Variants in MAP4K3 observed in about 807,000 individuals in gnomAD.
MAP4K3 encodes the protein mitogen-activated protein kinase kinase kinase kinase 3.
Under a neutral mutation model 143.5 loss-of-function variants are expected in MAP4K3, and 94 were observed. That is an observed-to-expected ratio of 0.65 (90% CI 0.55 to 0.78). MAP4K3 has a LOEUF of 0.78. Among genes scored for constraint, MAP4K3 ranks in the 30% least tolerant of loss-of-function variants. The pLI, the probability that MAP4K3 is intolerant of heterozygous loss-of-function variation, is 0.00. For missense variants in MAP4K3, 1,077 were observed against 1,068.1 expected, an observed-to-expected ratio of 1.01 and a Z score of -0.12; for synonymous variants, 416 against 347.2, an observed-to-expected ratio of 1.20 and a Z score of -2.20.
At chr2:39,394,297 G>C (rs1315001103) in intron 1 of MAP4K3, among the ~76,000 whole-genome samples, 3 of 152,180 alleles carry the variant, frequency 2.0e-5, no homozygotes, top group Non-Finnish European at 4.4e-5. Flanking sequence ...TAAAGGAGGA[G>C]CCAGGGAAAG....
intron 2 of MAP4K3, among the ~76,000 whole-genome samples, chr2:39,365,136 G>T (rs1033443996): frequency 6.6e-6 from 1 of 152,064 alleles, no homozygotes; most frequent in African/African-American, 2.4e-5. Context: ...TTCTTTCAGG[G>T]CCTGCTATCT....
chr2:39,403,784 C>G (rs181286437), intron 1 of MAP4K3, among the ~76,000 whole-genome samples: 53 of 151,240 alleles, frequency 3.5e-4, no homozygotes, highest in Admixed American at 3.3e-3. Context: ...TTGTGCCACC[C>G]CTCCCCTAAC....
At chr2:39,405,800 AGGT>A (rs1323324598) in intron 1 of MAP4K3, among the ~76,000 whole-genome samples, 5 of 152,198 alleles carry the variant, frequency 3.3e-5, no homozygotes, top group African/African-American at 1.2e-4. Flanking sequence ...TAAGCCTAGG[AGGT>A]AGAGGTTACA....
intron 1 of MAP4K3, among the ~76,000 whole-genome samples, chr2:39,395,918 G>A (rs1191028806): frequency 2.0e-5 from 3 of 151,010 alleles, no homozygotes; most frequent in Non-Finnish European, 4.4e-5. Context: ...AAAGACTAGA[G>A]CTGTTAAAAA....
At chr2:39,304,246 G>T (rs1254269886) in intron 15 of MAP4K3, among the ~76,000 whole-genome samples, 1 of 151,852 alleles carries the variant, frequency 6.6e-6, no homozygotes, top group Non-Finnish European at 1.5e-5. Flanking sequence ...AAAACAGTTG[G>T]CATTTAAAAC....
Position 39,437,247 on chromosome 2 carries a change from G to T in MAP4K3, c.-260C>A, listed in dbSNP as rs574953163. 7.5e-4 allele frequency: 208 copies of T among 277,230 alleles called. No homozygotes were observed. Among genetic ancestry groups the T allele is most frequent in the South Asian group, 3.2e-3 (22 of 6,828 alleles). 17.2% of individuals were successfully genotyped at this position (277,230 alleles called of 1,614,324 possible). On this transcript the variant is annotated 5_prime_UTR_variant, in exon 1 of 34. Transcript: ENST00000263881. The stretch of plus-strand genomic sequence containing the variant: ...CACCCACAAGGAGAGGAGAACCCTC[G>T]CAGCCCCTCGCTCGGGGTGAAACTC...
chr2:39,437,192 C>A lies in MAP4K3; in HGVS notation c.-205G>T. The A allele has an allele frequency of 8.7e-6, 3 of 343,738 alleles. No individual in the cohort carries two copies. Among genetic ancestry groups the A allele is most frequent in the Non-Finnish European group, 1.5e-5 (3 of 194,054 alleles). 21.3% of individuals were successfully genotyped at this position (343,738 alleles called of 1,614,324 possible). On this transcript the variant is annotated 5_prime_UTR_variant, in exon 1 of 34. Coordinates refer to ENST00000263881, the MANE Select transcript of MAP4K3 (RefSeq NM_003618.4). Reference sequence around the variant, plus strand: ...CAAGCGGCCAATCGTCCCCGCCCCCCGCGGCCCGCCGCCGCGCCGAACCTG... The same window carrying A: ...CAAGCGGCCAATCGTCCCCGCCCCCAGCGGCCCGCCGCCGCGCCGAACCTG...
intron 17 of MAP4K3, 43 bp downstream of exon 17, chr2:39,293,187 T>A: frequency 7.2e-7 from 1 of 1,379,370 alleles, no homozygotes; most frequent in Non-Finnish European, 1.0e-6. Flanking sequence ...TGACTTTACT[T>A]GTCTGTGACA....
At chr2:39,423,909 TTTAA>T (rs1664974532) in intron 1 of MAP4K3, among the ~76,000 whole-genome samples, 1 of 152,242 alleles carries the variant, frequency 6.6e-6, no homozygotes, top group African/African-American at 2.4e-5. Flanking sequence ...AACTATGAAC[TTTAA>T]TTAACATAAT....
rs940793498 is a variant in MAP4K3 at position 39,364,596 on chromosome 2, G to A, written c.155-8257C>T. On this transcript the variant is annotated intron_variant, in intron 2 of 33. Coordinates refer to ENST00000263881, the MANE Select transcript of MAP4K3 (RefSeq NM_003618.4). ...AAAACGTGTAAGGTGGGCCAGGTGCGGTGGCTTACGCCTGTAATGCCAGCA... is the reference window on the plus strand; with the variant it reads ...AAAACGTGTAAGGTGGGCCAGGTGCAGTGGCTTACGCCTGTAATGCCAGCA... Among the ~76,000 whole-genome samples, 3 of 152,176 alleles carry A rather than the reference G, an allele frequency of 2.0e-5. No homozygotes were observed. The East Asian group carries it at 5.8e-4, about 29-fold the overall frequency.
At chr2:39,430,403 A>G (rs996024093) in intron 1 of MAP4K3, among the ~76,000 whole-genome samples, 2 of 152,308 alleles carry the variant, frequency 1.3e-5, no homozygotes, top group Admixed American at 6.5e-5. Flanking sequence ...CCAAACCTAT[A>G]ATCAGGTCAA....
intron 15 of MAP4K3, among the ~76,000 whole-genome samples, chr2:39,300,606 G>C (rs939910823): frequency 2.6e-5 from 4 of 152,112 alleles, no homozygotes; most frequent in Admixed American, 2.6e-4. Context: ...CATTAAGGGG[G>C]AATATTTGAC....
chr2:39,290,229 C>A (rs1450921442), intron 19 of MAP4K3, 63 bp downstream of exon 19: 3 of 1,233,732 alleles, frequency 2.4e-6, no homozygotes, highest in African/African-American at 3.1e-5. Flanking sequence ...AAACTCTCAA[C>A]AAAGTATTAA....
intron 1 of MAP4K3, among the ~76,000 whole-genome samples, chr2:39,401,732 T>G (rs757813390): frequency 6.6e-6 from 1 of 151,998 alleles, no homozygotes; most frequent in East Asian, 1.9e-4. Flanking sequence ...GCAGGAGAGG[T>G]TGAGGCTACA....
In MAP4K3 at chr2:39,370,269, T is replaced by G. The variant is rs570931846; in HGVS notation, c.154+7797A>C. Among the ~76,000 whole-genome samples the G allele has an allele frequency of 4.6e-5, 7 of 152,314 alleles. No individual in the cohort carries two copies. In the South Asian group the frequency reaches 1.5e-3, roughly 32 times the overall value. On this transcript the variant is annotated intron_variant, in intron 2 of 33. Transcript: ENST00000263881. ...AATAAATTTAAGAGTGACTAAGCTA[T>G]CCATGATTAACCTTTGAAGAATAAT...
At position 39,437,169 on chromosome 2, in the gene MAP4K3, A is replaced by G. The variant is rs1022976571; in HGVS notation, c.-182T>C. On this transcript the variant is annotated 5_prime_UTR_variant, in exon 1 of 34. Coordinates refer to ENST00000263881, the MANE Select transcript of MAP4K3 (RefSeq NM_003618.4). Reference sequence around the variant, plus strand: ...CCTCACGCCGCTGCGGACGACGACAAGCGGCCAATCGTCCCCGCCCCCCGC... The same window carrying G: ...CCTCACGCCGCTGCGGACGACGACAGGCGGCCAATCGTCCCCGCCCCCCGC... 2.8e-5 allele frequency: 11 copies of G among 390,324 alleles called. No individual in the cohort carries two copies. The highest frequency in any genetic ancestry group is 9.5e-5 in the Admixed American group (2 of 21,094). 24.2% of individuals were successfully genotyped at this position (390,324 alleles called of 1,614,324 possible).
chr2:39,303,250 G>A (rs1000607283), intron 15 of MAP4K3: 2 of 165,988 alleles, frequency 1.2e-5, no homozygotes, highest in African/African-American at 2.4e-5. Flanking sequence ...ACTTTTTAAC[G>A]CAGTAGATGA....
intron 1 of MAP4K3, among the ~76,000 whole-genome samples, chr2:39,392,408 T>C (rs1309690794): frequency 1.3e-5 from 2 of 152,144 alleles, no homozygotes; most frequent in Non-Finnish European, 2.9e-5. Flanking sequence ...TATTGCCTAT[T>C]ATATAAATTA....
At chr2:39,290,266 T>C (rs781702022) in intron 19 of MAP4K3, 26 bp downstream of exon 19, 1 of 1,578,458 alleles carries the variant, frequency 6.3e-7, no homozygotes, top group Non-Finnish European at 8.6e-7. Context: ...CACACATATA[T>C]CAAATTGAAA....
Sources: gnomAD v4.1 joint callset for allele counts (sites outside exome capture counted in the v4.1 genomes callset) on GRCh38, gnomAD v4.1.1 for gene constraint, MANE v1.5 for transcripts, NCBI Gene and HGNC (gene_info 2026-07-23, HGNC 2026-07-21) for gene names.